ARHGEF12: variants seen among roughly 807,000 people sequenced by gnomAD.
The protein encoded by ARHGEF12 is KMT2A/ARHGEF12 fusion protein.
ARHGEF12 carries 66 observed loss-of-function variants against 211.2 expected under a neutral mutation model. That is an observed-to-expected ratio of 0.31 (90% CI 0.26 to 0.38). The LOEUF (loss-of-function observed/expected upper bound fraction) is 0.38. ARHGEF12 is among the 10% of genes least tolerant of loss of function. ARHGEF12 has a pLI of 1.00. For synonymous variants in ARHGEF12, 592 were observed against 638.4 expected, an observed-to-expected ratio of 0.93 and a Z score of 1.09; for missense variants, 1,429 against 1,869.5, an observed-to-expected ratio of 0.76 and a Z score of 4.34.
intron 1 of ARHGEF12, among the ~76,000 whole-genome samples, chr11:120,404,615 GT>G (rs754698172): frequency 5.9e-5 from 9 of 152,108 alleles, no homozygotes; most frequent in Non-Finnish European, 1.0e-4. Context: ...CAGGAAACGG[GT>G]TTACAATCAG....
intron 37 of ARHGEF12, 47 bp downstream of exon 37, chr11:120,478,436 C>A: frequency 6.8e-7 from 1 of 1,476,034 alleles, no homozygotes; most frequent in Non-Finnish European, 9.4e-7. Flanking sequence ...AAGTATGACA[C>A]TCATGTGCCA....
At chr11:120,389,571 A>G (rs1001035921) in intron 1 of ARHGEF12, among the ~76,000 whole-genome samples, 1 of 152,198 alleles carries the variant, frequency 6.6e-6, no homozygotes, top group East Asian at 1.9e-4. Flanking sequence ...TGGATGGGGT[A>G]TCTTTCATCT....
intron 27 of ARHGEF12, chr11:120,464,326 C>T (rs1946633262): frequency 6.6e-6 from 1 of 152,214 alleles, no homozygotes; most frequent in Non-Finnish European, 1.5e-5. Context: ...TGCCCATAAT[C>T]CCAGCACTTT....
chr11:120,473,055 A>G lies in ARHGEF12; in HGVS notation c.2961A>G (p.Leu987=). The stretch of plus-strand genomic sequence containing the variant: ...CCACCCTGCCTAATTTTCAGCGCCT[A>G]GAAGATTATCAGCGTCGCCTTGATA... ...AVKEAENKQR[L]EDYQRRLDTS... is the part of the protein sequence containing the mutation. Residue 987 remains leucine (L), a synonymous_variant, in exon 31 of 41, where the codon CTA becomes CTG. Transcript: ENST00000397843. 1.9e-6 allele frequency: 3 copies of G among 1,613,672 alleles called. No homozygotes were observed. Among genetic ancestry groups the G allele is most frequent in the Non-Finnish European group, 8.5e-7 (1 of 1,179,730 alleles).
At chr11:120,339,887 T>G (rs183135150) in intron 1 of ARHGEF12, among the ~76,000 whole-genome samples, 1 of 152,308 alleles carries the variant, frequency 6.6e-6, no homozygotes, top group East Asian at 1.9e-4. Flanking sequence ...ACACATTAAC[T>G]TGCTCTCTTC....
At chr11:120,422,221 G>T (rs1322167431) in intron 6 of ARHGEF12, among the ~76,000 whole-genome samples, 1 of 152,186 alleles carries the variant, frequency 6.6e-6, no homozygotes, top group Non-Finnish European at 1.5e-5. Flanking sequence ...GTACCAACAT[G>T]ACACCATGAA....
At chr11:120,483,980 C>T (rs1201121186) in intron 39 of ARHGEF12, among the ~76,000 whole-genome samples, 5 of 152,072 alleles carry the variant, frequency 3.3e-5, no homozygotes, top group Non-Finnish European at 2.9e-5. Flanking sequence ...GTCTGGAACT[C>T]CTGACCTCAG....
Position 120,451,676 on chromosome 11 carries a change from G to C in ARHGEF12, c.2008G>C (p.Ala670Pro), listed in dbSNP as rs749100353. The C allele has an allele frequency of 3.1e-6, 5 of 1,613,952 alleles. No individual in the cohort carries two copies. In the African/African-American group the frequency reaches 6.7e-5, roughly 22 times the overall value. Reference protein sequence around the residue: ...YLPANSMSSVASGASFSQEGG... With the variant: ...YLPANSMSSVPSGASFSQEGG... Reference sequence around the variant, plus strand: ...GCCTGCCAATTCCATGTCTTCTGTAGCTTCAGGGGCCTCTTTTTCCCAGGA... The same window carrying C: ...GCCTGCCAATTCCATGTCTTCTGTACCTTCAGGGGCCTCTTTTTCCCAGGA... Residue 670 changes from alanine (A) to proline (P), a missense_variant, in exon 22 of 41, where the codon GCT becomes CCT. By Grantham distance (27) the Ala-to-Pro change is conservative. Transcript: ENST00000397843.
chr11:120,403,518 G>GA (rs71473104), intron 1 of ARHGEF12, among the ~76,000 whole-genome samples: 1,695 of 136,552 alleles, frequency 0.012, 29 homozygotes, highest in African/African-American at 0.041. Flanking sequence ...AAAAGAAAAG[G>GA]AAAAAAAAAA....
intron 39 of ARHGEF12, 142 bp downstream of exon 39, chr11:120,481,718 G>A (rs930107813): frequency 1.3e-6 from 1 of 755,286 alleles, no homozygotes; most frequent in Non-Finnish European, 2.1e-6. Flanking sequence ...ATAGGCCTGG[G>A]TAAAAAGTTG....
intron 30 of ARHGEF12, among the ~76,000 whole-genome samples, chr11:120,472,846 G>A (rs1479407107): frequency 2.0e-5 from 3 of 151,818 alleles, no homozygotes; most frequent in Non-Finnish European, 4.4e-5. Context: ...TAGTAGAGAC[G>A]GGGTTTCACT....
Position 120,481,294 on chromosome 11 carries a change from G to A in ARHGEF12, c.4272G>A (p.Val1424=), listed in dbSNP as rs765378373. 1.2e-6 allele frequency: 2 copies of A among 1,614,190 alleles called. No homozygotes were observed. Among genetic ancestry groups the A allele is most frequent in the Non-Finnish European group, 1.7e-6 (2 of 1,180,028 alleles). Reference sequence around the variant, plus strand: ...TGATCCTTGATGGCTATGACCCAGTGCAGGAGAGTTCCACAGATGAGGAGG... The same window carrying A: ...TGATCCTTGATGGCTATGACCCAGTACAGGAGAGTTCCACAGATGAGGAGG... ...NYLILDGYDP[V]QESSTDEEVA... Residue 1424 remains valine (V), a synonymous_variant, in exon 39 of 41, where the codon GTG becomes GTA. Transcript: ENST00000397843.
chr11:120,420,511 G>A (rs1399253279), intron 4 of ARHGEF12, among the ~76,000 whole-genome samples: 2 of 152,190 alleles, frequency 1.3e-5, no homozygotes, highest in Admixed American at 6.5e-5. Flanking sequence ...TGCCATAGCT[G>A]TTTTTAATAT....
intron 4 of ARHGEF12, among the ~76,000 whole-genome samples, chr11:120,412,263 T>G (rs1944907880): frequency 6.6e-6 from 1 of 152,250 alleles, no homozygotes; most frequent in Non-Finnish European, 1.5e-5. Context: ...GCTGTCATGG[T>G]GTCTGAACAG....
chr11:120,396,176 G>A (rs971221704), intron 1 of ARHGEF12, among the ~76,000 whole-genome samples: 18 of 152,126 alleles, frequency 1.2e-4, no homozygotes, highest in African/African-American at 2.7e-4. Flanking sequence ...AATAAATAAC[G>A]TAGTATTGGA....
intron 28 of ARHGEF12, 113 bp from the exon 29 acceptor site, chr11:120,467,081 G>C: frequency 1.6e-6 from 1 of 639,022 alleles, no homozygotes; most frequent in Non-Finnish European, 2.7e-6. Flanking sequence ...ATTTTTTAAA[G>C]ATCTTGATTT....
chr11:120,355,283 G>T (rs1943101532), intron 1 of ARHGEF12, among the ~76,000 whole-genome samples: 1 of 152,030 alleles, frequency 6.6e-6, no homozygotes, highest in Non-Finnish European at 1.5e-5. Context: ...AATTATTGTT[G>T]CTTTTATATG....
chr11:120,421,062 T>C (rs1366717771), intron 5 of ARHGEF12, among the ~76,000 whole-genome samples: 1 of 152,214 alleles, frequency 6.6e-6, no homozygotes, highest in Non-Finnish European at 1.5e-5. Flanking sequence ...TCAGTTTTTA[T>C]TTAGTTTTAG....
At chr11:120,464,935 G>A (rs1946651732) in intron 27 of ARHGEF12, 1 of 235,188 alleles carries the variant, frequency 4.3e-6, no homozygotes, top group East Asian at 9.4e-5. Context: ...GAACCTCAGA[G>A]GCAGAAGTTG....
Sources: allele counts gnomAD v4.1 joint callset (sites outside exome capture counted in the v4.1 genomes callset), GRCh38; gene constraint gnomAD v4.1.1; transcripts MANE v1.5; gene names NCBI Gene and HGNC (gene_info 2026-07-23, HGNC 2026-07-21).